The following AP3B2 variants were observed in gnomAD, a reference collection of about 807,000 sequenced individuals.
AP3B2 encodes AP-3 complex subunit beta-2.
A neutral mutation model predicts 126.9 loss-of-function variants in AP3B2; 50 were observed. The ratio of observed to expected loss-of-function variants is 0.39; its 90% CI spans 0.31 to 0.50. The LOEUF (loss-of-function observed/expected upper bound fraction) is 0.50, where lower values mean the gene tolerates loss of function less well. Among genes scored for constraint, AP3B2 ranks in the 20% least tolerant of loss-of-function variants. The pLI, the probability that AP3B2 is intolerant of heterozygous loss-of-function variation, is 0.79. For synonymous variants in AP3B2, 541 were observed against 565.0 expected, an observed-to-expected ratio of 0.96 and a Z score of 0.60; for missense variants, 1,177 against 1,426.4, an observed-to-expected ratio of 0.83 and a Z score of 2.82.
chr15:82,678,019 G>T, intron 11 of AP3B2, 86 bp downstream of exon 11: 1 of 1,486,146 alleles, frequency 6.7e-7, no homozygotes, highest in Non-Finnish European at 9.3e-7. Flanking sequence ...CCAGCCTTGG[G>T]CTCATAAGAG....
chr15:82,707,576 G>C (rs1415644145), intron 1 of AP3B2, among the ~76,000 whole-genome samples: 1 of 152,070 alleles, frequency 6.6e-6, no homozygotes, highest in Admixed American at 6.6e-5. Context: ...ATATCTCCTG[G>C]TGCTATCCCC....
At chr15:82,685,084 CACA>C (rs1328429410) in intron 4 of AP3B2, 1 of 152,190 alleles carries the variant, frequency 6.6e-6, no homozygotes, top group East Asian at 1.9e-4. Context: ...TCAGAACACA[CACA>C]ACATTTATTG....
At position 82,659,926 on chromosome 15, in the gene AP3B2, C is replaced by T. The variant is rs200505090; in HGVS notation, c.3074G>A (p.Arg1025Gln). ...TTTCTGCACCACAATGTGGTCACTC[C>T]GACAGGTGTCTGGCAGCATGAGTTT... ...TEKLMLPDTC[R>Q]SDHIVVQKVT... Residue 1025 changes from arginine (R) to glutamine (Q), a missense_variant, in exon 26 of 27, where the codon CGG becomes CAG. Transcript: ENST00000535359. The T allele has an allele frequency of 3.5e-5, 57 of 1,613,828 alleles. No individual in the cohort carries two copies. The highest frequency in any genetic ancestry group is 1.2e-4 in the Admixed American group (7 of 59,996).
rs2048008934 is a variant in AP3B2, at chr15:82,664,141, T to C, written c.2262-166A>G. 6.6e-6 allele frequency among the ~76,000 whole-genome samples: 1 copy of C among 152,188 alleles called. No homozygotes were observed. Among genetic ancestry groups the C allele is most frequent in the Non-Finnish European group, 1.5e-5 (1 of 68,024 alleles). ...GACCCCGTGAGAGCTTGAAGCCAGCTTGTGCCAGCTCAGGCTCTAGGACTC... is the reference window on the plus strand; with the variant it reads ...GACCCCGTGAGAGCTTGAAGCCAGCCTGTGCCAGCTCAGGCTCTAGGACTC... On this transcript the variant is annotated intron_variant, in intron 19 of 26. Coordinates refer to ENST00000535359, the MANE Select transcript of AP3B2 (RefSeq NM_001278512.2). The surrounding 1 kb of genome is among the most constrained non-coding windows in gnomAD (Gnocchi z 4.5).
chr15:82,663,056 A>G (rs2047982050), intron 22 of AP3B2, 71 bp downstream of exon 22: 4 of 1,502,164 alleles, frequency 2.7e-6, no homozygotes, highest in Non-Finnish European at 3.6e-6. Context: ...CCCCACACAC[A>G]TCCACACCAT....
At chr15:82,691,269 CTGT>C (rs1199687574) in intron 1 of AP3B2, among the ~76,000 whole-genome samples, 2 of 152,228 alleles carry the variant, frequency 1.3e-5, no homozygotes, top group Non-Finnish European at 2.9e-5. Flanking sequence ...TCTCCAGCAC[CTGT>C]TGTTTCCTGA....
intron 1 of AP3B2, among the ~76,000 whole-genome samples, chr15:82,694,326 G>C (rs1471456469): frequency 1.3e-5 from 2 of 150,168 alleles, no homozygotes; most frequent in Non-Finnish European, 3.0e-5. Context: ...TTTAAACTTT[G>C]GTATCTAAAA....
At chr15:82,659,783 G>A (rs1431830437) in intron 26 of AP3B2, 62 bp downstream of exon 26, 1 of 1,609,040 alleles carries the variant, frequency 6.2e-7, no homozygotes, top group Non-Finnish European at 8.5e-7. Context: ...CAGCAGCTGG[G>A]GCTCCTCCTT....
At position 82,663,128 on chromosome 15, in the gene AP3B2, G is replaced by T. The variant is rs768482027; in HGVS notation, c.2603C>A (p.Ser868Ter). The T allele has an allele frequency of 6.2e-7, 1 of 1,608,744 alleles. No individual in the cohort carries two copies. The highest frequency in any genetic ancestry group is 8.5e-7 in the Non-Finnish European group (1 of 1,177,962). The change falls in exon 22 of 27, where the codon TCG becomes TAG. Residue 868 changes from serine to a stop codon, truncating the protein, a stop_gained and splice_region_variant. Coordinates refer to ENST00000535359, the MANE Select transcript of AP3B2 (RefSeq NM_001278512.2). LOFTEE classifies it high-confidence loss of function. ...GGTCCCCTCCTCCATCCCACTCACCGACGGTACCAGGGTGGAGTCTGTGAG... is the reference window on the plus strand; with the variant it reads ...GGTCCCCTCCTCCATCCCACTCACCTACGGTACCAGGGTGGAGTCTGTGAG... ...LTLTDSTLVPSLLSPVSGVGR... is the reference protein window; with the variant it reads ...LTLTDSTLVP
At position 82,709,787 on chromosome 15, in the gene AP3B2, G is replaced by C. The variant is rs2048855000; in HGVS notation, c.-81C>G. 1 of 1,193,830 alleles carries C rather than the reference G, an allele frequency of 8.4e-7. No individual in the cohort carries two copies. Among genetic ancestry groups the C allele is most frequent in the Non-Finnish European group, 1.1e-6 (1 of 898,868 alleles). The allele number at this position is 1,193,830 out of a possible 1,614,324, so 74.0% of individuals were successfully genotyped here. Reference sequence around the variant, plus strand: ...GAGCGGAGGAAGGGAAGGCGGGCCGGTCCGGTCCGGGCTGGCGAAGGCGGC... The same window carrying C: ...GAGCGGAGGAAGGGAAGGCGGGCCGCTCCGGTCCGGGCTGGCGAAGGCGGC... On this transcript the variant is annotated 5_prime_UTR_variant, in exon 1 of 27. Coordinates refer to ENST00000535359, the MANE Select transcript of AP3B2 (RefSeq NM_001278512.2).
intron 1 of AP3B2, among the ~76,000 whole-genome samples, chr15:82,704,710 G>C (rs929482858): frequency 6.6e-6 from 1 of 152,216 alleles, no homozygotes; most frequent in Non-Finnish European, 1.5e-5. Flanking sequence ...AAATCTTCTC[G>C]GCTTAGCAGC....
intron 1 of AP3B2, among the ~76,000 whole-genome samples, chr15:82,709,376 G>A (rs1295091834): frequency 1.3e-5 from 2 of 151,900 alleles, no homozygotes; most frequent in African/African-American, 2.4e-5. Context: ...GCCCCTATCT[G>A]CCCCCCTCCG....
At chr15:82,673,267 T>G (rs773719545) in intron 14 of AP3B2, among the ~76,000 whole-genome samples, 3 of 152,186 alleles carry the variant, frequency 2.0e-5, no homozygotes, top group Non-Finnish European at 4.4e-5. Context: ...CAGGCTGGAG[T>G]GTGGTGGTAC....
At chr15:82,700,397 C>CTTTTTTTTTTATTTTTTTTT (rs2048700425) in intron 1 of AP3B2, among the ~76,000 whole-genome samples, 1 of 35,086 alleles carries the variant, frequency 2.9e-5, no homozygotes, top group Non-Finnish European at 5.1e-5. Context: ...TGGTGGGTGG[C>CTTTTTTTTTTATTTTTTTTT]TTTTTTTTTT....
rs2048330625 is a variant in AP3B2, at chr15:82,681,036, GA to G, written c.589-18del. ...CGCCACCAGCTGGGGAAAGAACAAA[GA>G]CGAGAGGGTGAACGCGAAGGGTGGA... On this transcript the variant is annotated intron_variant, in intron 6 of 26. Transcript: ENST00000535359. The surrounding 1 kb of genome is among the most constrained non-coding windows in gnomAD (Gnocchi z 4.0). 6.2e-7 allele frequency: 1 copy of G among 1,613,622 alleles called. No homozygotes were observed. Among genetic ancestry groups the G allele is most frequent in the East Asian group, 2.2e-5 (1 of 44,872 alleles).
chr15:82,692,203 C>G (rs2048547392), intron 1 of AP3B2: 1 of 1,349,912 alleles, frequency 7.4e-7, no homozygotes. Flanking sequence ...TCTCGGGGGT[C>G]CTCAAAGCGC....
intron 4 of AP3B2, among the ~76,000 whole-genome samples, chr15:82,682,582 A>G (rs528889758): frequency 2.6e-5 from 4 of 152,184 alleles, no homozygotes; most frequent in Admixed American, 1.3e-4. Flanking sequence ...TGGTGCATAC[A>G]AGTTATGCTT....
rs1289197658 is a variant in AP3B2 at position 82,680,064 on chromosome 15, G to T, written c.1110+111C>A. ...CTGCCCCATCCTCTGCACAGCCAGGGTATTCCTCCATCTTCCCTTTCCCCG... is the reference window on the plus strand; with the variant it reads ...CTGCCCCATCCTCTGCACAGCCAGGTTATTCCTCCATCTTCCCTTTCCCCG... On this transcript the variant is annotated intron_variant, in intron 9 of 26. Transcript: ENST00000535359. This position sits in a 1 kb window ranked among gnomAD's most constrained non-coding sequence, Gnocchi z 6.1. 4.2e-6 allele frequency: 6 copies of T among 1,442,446 alleles called. No homozygotes were observed. Among genetic ancestry groups the T allele is most frequent in the Admixed American group, 3.9e-5 (2 of 51,700 alleles). The allele number at this position is 1,442,446 out of a possible 1,614,324, so 89.4% of individuals were successfully genotyped here.
At chr15:82,701,200 C>T (rs1215601953) in intron 1 of AP3B2, among the ~76,000 whole-genome samples, 1 of 152,138 alleles carries the variant, frequency 6.6e-6, no homozygotes, top group Non-Finnish European at 1.5e-5. Flanking sequence ...CTGCCCTCTT[C>T]CCTCTGGGCA....
Sources: gnomAD v4.1 joint callset for allele counts (sites outside exome capture counted in the v4.1 genomes callset) on GRCh38, gnomAD v4.1.1 for gene constraint, Gnocchi (gnomAD v3.1) non-coding constraint, MANE v1.5 for transcripts, NCBI Gene and HGNC (gene_info 2026-07-23, HGNC 2026-07-21) for gene names.